Variants in DAPP1 observed in about 807,000 individuals in gnomAD.
The protein encoded by DAPP1 is dual adaptor of phosphotyrosine and 3-phosphoinositides 1.
A neutral mutation model predicts 41.5 loss-of-function variants in DAPP1; 20 were observed. The observed-to-expected ratio is 0.48, with a 90% CI of 0.34 to 0.70. The LOEUF (loss-of-function observed/expected upper bound fraction) is 0.70. Among genes scored for constraint, DAPP1 ranks in the 30% least tolerant of loss-of-function variants. The pLI is 0.01. For synonymous variants in DAPP1, 113 were observed against 116.2 expected, an observed-to-expected ratio of 0.97 and a Z score of 0.18; for missense variants, 233 against 333.4, an observed-to-expected ratio of 0.70 and a Z score of 2.35.
intron 3 of DAPP1, among the ~76,000 whole-genome samples, chr4:99,850,267 C>T (rs113265444): frequency 0.038 from 5,734 of 151,970 alleles, 100 homozygotes; most frequent in African/African-American, 0.055. Flanking sequence ...AAAATTGGCC[C>T]GGTGTGGTGG....
chr4:99,834,414 A>G (rs1723226050), intron 1 of DAPP1, among the ~76,000 whole-genome samples: 1 of 151,838 alleles, frequency 6.6e-6, no homozygotes. Flanking sequence ...TACCATAGAT[A>G]TATATTACCT....
intron 7 of DAPP1, 139 bp downstream of exon 7, chr4:99,863,994 C>T (rs1346953718): frequency 1.3e-5 from 8 of 602,436 alleles, no homozygotes; most frequent in Non-Finnish European, 2.3e-5. Context: ...GGAGTGTTTT[C>T]AGCTGAGTGT....
chr4:99,863,169 C>T (rs950104276), intron 6 of DAPP1, 97 bp downstream of exon 6: 17 of 660,722 alleles, frequency 2.6e-5, no homozygotes, highest in Non-Finnish European at 4.2e-5. Flanking sequence ...TTTATATCCA[C>T]CTGAAATACC....
At chr4:99,847,704 T>A (rs1033950671) in intron 3 of DAPP1, among the ~76,000 whole-genome samples, 1 of 152,178 alleles carries the variant, frequency 6.6e-6, no homozygotes, top group African/African-American at 2.4e-5. Flanking sequence ...TTGGTCTGAA[T>A]CTCAGTAACC....
Position 99,868,223 on chromosome 4 carries a change from G to C in DAPP1, c.*38G>C. ...AAGGAATGCTCTGGCCCAGGAGCAA[G>C]GTGGAATGTTTCCCTGACGCTGTGA... is the stretch of plus-strand genomic sequence containing the variant. On this transcript the variant is annotated 3_prime_UTR_variant, in exon 9 of 9. Coordinates refer to ENST00000512369, the MANE Select transcript of DAPP1 (RefSeq NM_014395.3). 1 of 1,558,774 alleles carries C rather than the reference G, an allele frequency of 6.4e-7. No homozygotes were observed.
intron 3 of DAPP1, among the ~76,000 whole-genome samples, chr4:99,841,337 A>G (rs148781441): frequency 1.1e-4 from 17 of 152,334 alleles, no homozygotes; most frequent in Middle Eastern, 3.4e-3. Flanking sequence ...GTAGTCCCTG[A>G]TGTGACTCAC....
rs575735260 is a variant in DAPP1 at position 99,823,135 on chromosome 4, A to G, written c.101+6121A>G. Among the ~76,000 whole-genome samples the G allele has an allele frequency of 2.0e-5, 3 of 152,326 alleles. No individual in the cohort carries two copies. The East Asian group carries it at 5.8e-4, about 29-fold the overall frequency. ...TTATTTAGGGTTAAAGTGTCAGGAT[A>G]TCTGTAATTTACTTTAAAACTGTTC... is the stretch of plus-strand genomic sequence containing the variant. On this transcript the variant is annotated intron_variant, in intron 1 of 8. Transcript: ENST00000512369.
intron 2 of DAPP1, among the ~76,000 whole-genome samples, chr4:99,837,799 C>T (rs559607117): frequency 1.4e-4 from 21 of 152,180 alleles, no homozygotes; most frequent in African/African-American, 5.1e-4. Context: ...TTATACAACT[C>T]ACCATCATTC....
In DAPP1 at chr4:99,829,480, C is replaced by CA. The variant is rs757100446; in HGVS notation, c.102-6132dup. 4.7e-3 allele frequency among the ~76,000 whole-genome samples: 662 copies of CA among 141,096 alleles called. 5 individuals are homozygous for CA. The highest frequency in any genetic ancestry group is 7.1e-3 in the Non-Finnish European group (459 of 64,472). The allele number at this position is 141,096 out of a possible 152,430, so 92.6% of individuals were successfully genotyped here. On this transcript the variant is annotated intron_variant, in intron 1 of 8. Coordinates refer to ENST00000512369, the MANE Select transcript of DAPP1 (RefSeq NM_014395.3). ...GGGTGACAAGAGTGAAACTCCGTCT[C>CA]AAAAAAAAAAAGAAAGTTTTTTTCC...
chr4:99,854,712 A>G (rs1214327796), intron 4 of DAPP1, among the ~76,000 whole-genome samples: 7 of 151,858 alleles, frequency 4.6e-5, no homozygotes, highest in Non-Finnish European at 1.0e-4. Flanking sequence ...ATTGCTATCT[A>G]CTCATCCCTC....
downstream of DAPP1, among the ~76,000 whole-genome samples, chr4:99,870,975 C>A (rs2110174115): frequency 6.6e-6 from 1 of 152,048 alleles, no homozygotes; most frequent in Non-Finnish European, 1.5e-5. Context: ...GGAATGGAAC[C>A]CCATCATAAG....
intron 1 of DAPP1, among the ~76,000 whole-genome samples, chr4:99,824,083 G>A (rs1037223087): frequency 6.6e-6 from 1 of 152,172 alleles, no homozygotes; most frequent in Non-Finnish European, 1.5e-5. Context: ...TATACAAGTT[G>A]ATTGCATGTT....
At chr4:99,827,166 G>A (rs1353548877) in intron 1 of DAPP1, among the ~76,000 whole-genome samples, 1 of 152,106 alleles carries the variant, frequency 6.6e-6, no homozygotes, top group Non-Finnish European at 1.5e-5. Context: ...GGTTGTGTGT[G>A]GTCCATGTTG....
chr4:99,858,206 C>G (rs1294247903), intron 4 of DAPP1, among the ~76,000 whole-genome samples: 1 of 152,258 alleles, frequency 6.6e-6, no homozygotes. Flanking sequence ...TCCTCAAGCA[C>G]AAGTTGCACT....
intron 1 of DAPP1, among the ~76,000 whole-genome samples, chr4:99,831,495 A>G (rs7688733): frequency 0.54 from 82,094 of 151,816 alleles, 22,612 homozygotes; most frequent in African/African-American, 0.65. Flanking sequence ...TCCTTTTAGC[A>G]CTCCACTTTA....
At chr4:99,859,848 G>A (rs974614873) in intron 4 of DAPP1, among the ~76,000 whole-genome samples, 4 of 152,030 alleles carry the variant, frequency 2.6e-5, no homozygotes, top group Non-Finnish European at 4.4e-5. Context: ...TCAATGCCTC[G>A]CACACAGCTG....
At chr4:99,829,177 A>C (rs953006369) in intron 1 of DAPP1, among the ~76,000 whole-genome samples, 8 of 152,150 alleles carry the variant, frequency 5.3e-5, no homozygotes, top group Admixed American at 4.6e-4. Context: ...TTTCCAATAC[A>C]TGAAAATAAG....
intron 3 of DAPP1, among the ~76,000 whole-genome samples, chr4:99,847,989 T>G (rs1418692132): frequency 6.6e-6 from 1 of 151,936 alleles, no homozygotes; most frequent in Non-Finnish European, 1.5e-5. Context: ...AATTTTTGTA[T>G]TTGTAGTAGA....
intron 6 of DAPP1, 37 bp from the exon 7 acceptor site, chr4:99,863,733 T>C (rs768177383): frequency 7.7e-7 from 1 of 1,290,794 alleles, no homozygotes; most frequent in South Asian, 1.4e-5. Flanking sequence ...TTTTTTTTTT[T>C]TTAATGGTGA....
Sources: gnomAD v4.1 joint callset for allele counts (sites outside exome capture counted in the v4.1 genomes callset) on GRCh38, gnomAD v4.1.1 for gene constraint, MANE v1.5 for transcripts, NCBI Gene and HGNC (gene_info 2026-07-23, HGNC 2026-07-21) for gene names.